The following NALF1 variants were observed in gnomAD, a reference collection of about 807,000 sequenced individuals.
The protein encoded by NALF1 is NALCN channel auxiliary factor 1, also known as family with sequence similarity 155 member A.
In NALF1, 3 loss-of-function variants were observed where a neutral mutation model predicts 48.4. The observed-to-expected ratio is 0.06, with a 90% CI of 0.03 to 0.16. NALF1 has a LOEUF of 0.16. Ranked by LOEUF, NALF1 falls within the 10% of genes least tolerant of loss-of-function variation. The pLI is 1.00. For missense variants in NALF1, 526 were observed against 571.5 expected, an observed-to-expected ratio of 0.92 and a Z score of 0.81; for synonymous variants, 262 against 245.7, an observed-to-expected ratio of 1.07 and a Z score of -0.62.
chr13:107,176,883 G>A (rs1289990536), intron 2 of NALF1, among the ~76,000 whole-genome samples: 6 of 151,368 alleles, frequency 4.0e-5, no homozygotes, highest in Non-Finnish European at 8.8e-5. Context: ...ATATAATTTT[G>A]TTTGTTTTTA....
intron 1 of NALF1, among the ~76,000 whole-genome samples, chr13:107,262,895 C>A (rs1218396669): frequency 6.6e-6 from 1 of 151,814 alleles, no homozygotes; most frequent in Non-Finnish European, 1.5e-5. Context: ...ATAATTGTAA[C>A]GTATGCACAT....
chr13:107,629,444 TTC>T (rs1279698110), intron 1 of NALF1, among the ~76,000 whole-genome samples: 4 of 152,194 alleles, frequency 2.6e-5, no homozygotes, highest in Non-Finnish European at 5.9e-5. Context: ...AATTTTCTAA[TTC>T]CAACTAAACT....
chr13:107,467,871 T>G (rs1885030840), intron 1 of NALF1, among the ~76,000 whole-genome samples: 1 of 151,864 alleles, frequency 6.6e-6, no homozygotes, highest in Non-Finnish European at 1.5e-5. Context: ...AAACCCCATC[T>G]CTACAAAAAA....
intron 1 of NALF1, among the ~76,000 whole-genome samples, chr13:107,290,062 G>T (rs1881583278): frequency 6.6e-6 from 1 of 151,704 alleles, no homozygotes; most frequent in African/African-American, 2.4e-5. Context: ...TTCAATGGGT[G>T]CTTGGACTTA....
intron 1 of NALF1, among the ~76,000 whole-genome samples, chr13:107,440,376 T>TA (rs1566343385): frequency 6.6e-6 from 1 of 152,186 alleles, no homozygotes; most frequent in East Asian, 1.9e-4. Context: ...TGAGATGTGT[T>TA]AAAGTTTCGC....
intron 1 of NALF1, among the ~76,000 whole-genome samples, chr13:107,234,017 G>T (rs1880285375): frequency 6.6e-6 from 1 of 152,020 alleles, no homozygotes. Flanking sequence ...AACTGCAGAA[G>T]TATCTTGCTG....
At chr13:107,708,024 T>A (rs1261347124) in intron 1 of NALF1, among the ~76,000 whole-genome samples, 1 of 151,096 alleles carries the variant, frequency 6.6e-6, no homozygotes, top group Non-Finnish European at 1.5e-5. Context: ...TGAATAGGTG[T>A]ATGTGTTTTC....
intron 1 of NALF1, among the ~76,000 whole-genome samples, chr13:107,782,211 G>T (rs935408645): frequency 6.6e-6 from 1 of 152,308 alleles, no homozygotes; most frequent in South Asian, 2.1e-4. Context: ...GTGCCGCCAC[G>T]CCTGACTGGT....
At chr13:107,720,512 A>AAG (rs1344526514) in intron 1 of NALF1, among the ~76,000 whole-genome samples, 1 of 130,262 alleles carries the variant, frequency 7.7e-6, no homozygotes, top group African/African-American at 2.5e-5. Flanking sequence ...CTGCATCTCA[A>AAG]AAAAAAAAAA....
Position 107,352,249 on chromosome 13 carries a change from A to G in NALF1, c.916-141494T>C, listed in dbSNP as rs112703598. On this transcript the variant is annotated intron_variant, in intron 1 of 2. Transcript: ENST00000375915. ...AAGTCTAATGGTAGTTAGCGAGGGAAGGAGTATAATGAGGTGTGTCTGACC... is the reference window on the plus strand; with the variant it reads ...AAGTCTAATGGTAGTTAGCGAGGGAGGGAGTATAATGAGGTGTGTCTGACC... Among the ~76,000 whole-genome samples, 592 of 152,246 alleles carry G rather than the reference A, an allele frequency of 3.9e-3. 5 individuals carry two copies. The highest frequency in any genetic ancestry group is 0.013 in the African/African-American group (559 of 41,550).
intron 1 of NALF1, among the ~76,000 whole-genome samples, chr13:107,447,226 T>C (rs1163912827): frequency 6.6e-6 from 1 of 151,998 alleles, no homozygotes; most frequent in Non-Finnish European, 1.5e-5. Flanking sequence ...TCTCCCTTCT[T>C]CTTTCTTCCC....
intron 1 of NALF1, among the ~76,000 whole-genome samples, chr13:107,213,897 G>A (rs970379862): frequency 1.3e-5 from 2 of 152,272 alleles, no homozygotes; most frequent in African/African-American, 2.4e-5. Context: ...CAGTTATCTC[G>A]TGTCTGAGAA....
intron 1 of NALF1, among the ~76,000 whole-genome samples, chr13:107,442,968 T>C (rs547544696): frequency 6.6e-6 from 1 of 152,292 alleles, no homozygotes. Flanking sequence ...TGGAGTAGTC[T>C]ATAAATAACA....
rs149172322 is a variant in NALF1, at chr13:107,472,070, G to A, written c.916-261315C>T. Among the ~76,000 whole-genome samples, 808 of 152,256 alleles carry A rather than the reference G, an allele frequency of 5.3e-3. 7 individuals carry two copies. Among genetic ancestry groups the A allele is most frequent in the African/African-American group, 0.018 (749 of 41,530 alleles). On this transcript the variant is annotated intron_variant, in intron 1 of 2. Coordinates refer to ENST00000375915, the MANE Select transcript of NALF1 (RefSeq NM_001080396.3). ...GATATAGCCAGGCGCATTGGCTCAC[G>A]CCTGTAATCTCAGAACTTTGGGAGG...
At chr13:107,208,875 CTCCTTCCT>C (rs1157210890) in intron 2 of NALF1, among the ~76,000 whole-genome samples, 1 of 152,054 alleles carries the variant, frequency 6.6e-6, no homozygotes, top group Non-Finnish European at 1.5e-5. Flanking sequence ...TCCCTCTTCC[CTCCTTCCT>C]CCCCCTCCTC....
chr13:107,866,367 C>G lies in NALF1; in HGVS notation c.230G>C (p.Arg77Pro). 6.4e-7 allele frequency: 1 copy of G among 1,573,066 alleles called. No homozygotes were observed. Among genetic ancestry groups the G allele is most frequent in the Non-Finnish European group, 8.7e-7 (1 of 1,145,786 alleles). Reference protein sequence around the residue: ...ARDKEHQQQQRQQQQQQQQQR... With the variant: ...ARDKEHQQQQPQQQQQQQQQR... The stretch of plus-strand genomic sequence containing the variant: ...CTGCTGCTGCTGCTGCTGCTGCTGC[C>G]GCTGCTGCTGCTGGTGCTCCTTGTC... Residue 77 changes from arginine to proline, a missense_variant, in exon 1 of 3, where the codon CGG (arginine) becomes CCG (proline). Arg to Pro is a moderately radical substitution (Grantham distance 103). Around this residue, in one of 2 missense-constraint regions of NALF1, gnomAD observed 373 missense variants for 355.5 expected, o/e 1.05. Transcript: ENST00000375915. The surrounding 1 kb of genome is among the most constrained non-coding windows in gnomAD (Gnocchi z 4.4).
At chr13:107,186,535 T>G (rs530448816) in intron 2 of NALF1, among the ~76,000 whole-genome samples, 3 of 152,224 alleles carry the variant, frequency 2.0e-5, no homozygotes, top group African/African-American at 7.2e-5. Context: ...GCCCAGCTAA[T>G]TTTTGTAATT....
intron 1 of NALF1, among the ~76,000 whole-genome samples, chr13:107,795,804 A>G (rs1235506882): frequency 1.3e-5 from 2 of 152,180 alleles, no homozygotes; most frequent in African/African-American, 4.8e-5. Flanking sequence ...CTTGAACATA[A>G]AAGAAATTAT....
intron 1 of NALF1, among the ~76,000 whole-genome samples, chr13:107,378,885 G>A (rs1363118960): frequency 6.6e-6 from 1 of 151,914 alleles, no homozygotes; most frequent in Non-Finnish European, 1.5e-5. Context: ...GAGGTGTTAT[G>A]GACAGAAAAA....
Sources: allele counts gnomAD v4.1 joint callset (sites outside exome capture counted in the v4.1 genomes callset), GRCh38; gene constraint gnomAD v4.1.1; regional missense constraint gnomAD v4.1.1; non-coding constraint Gnocchi (gnomAD v3.1); transcripts MANE v1.5; gene names NCBI Gene and HGNC (gene_info 2026-07-23, HGNC 2026-07-21).